The following HELZ variants were observed in gnomAD, a reference collection of about 807,000 sequenced individuals.
The protein encoded by HELZ is helicase with zinc finger, also known as ATP-dependent RNA helicase with zinc finger domain.
HELZ carries 23 observed loss-of-function variants against 218.2 expected under a neutral mutation model. The ratio of observed to expected loss-of-function variants is 0.11; its 90% CI spans 0.08 to 0.15. The LOEUF (loss-of-function observed/expected upper bound fraction) is 0.15, where lower values mean the gene tolerates loss of function less well. Among genes scored for constraint, HELZ ranks in the 10% least tolerant of loss-of-function variants. The pLI is 1.00. For synonymous variants in HELZ, 814 were observed against 829.4 expected (o/e 0.98, Z 0.32); for missense variants, 1,813 against 2,353.7 (o/e 0.77, Z 4.75).
At chr17:67,161,706 T>C (rs1289354963) in intron 15 of HELZ, among the ~76,000 whole-genome samples, 2 of 152,176 alleles carry the variant, frequency 1.3e-5, no homozygotes, top group Admixed American at 1.3e-4. Flanking sequence ...ACACAAATAA[T>C]ACACATATTA....
At chr17:67,164,889 T>C (rs928191763) in intron 15 of HELZ, among the ~76,000 whole-genome samples, 1 of 152,176 alleles carries the variant, frequency 6.6e-6, no homozygotes, top group African/African-American at 2.4e-5. Context: ...AATGACATGA[T>C]TATTTTAGAA....
chr17:67,186,081 G>A (rs2144268385), intron 12 of HELZ, among the ~76,000 whole-genome samples: 1 of 151,988 alleles, frequency 6.6e-6, no homozygotes, highest in South Asian at 2.1e-4. Flanking sequence ...GTGGCCTCAA[G>A]GGCTCTCTGC....
At chr17:67,230,471 C>A (rs1375576181) in intron 3 of HELZ, among the ~76,000 whole-genome samples, 1 of 151,782 alleles carries the variant, frequency 6.6e-6, no homozygotes, top group Non-Finnish European at 1.5e-5. Flanking sequence ...GTGGTGCATT[C>A]CTGTAATCCC....
chr17:67,123,054 T>C lies in HELZ; in HGVS notation c.3546A>G (p.Gln1182=), dbSNP rs2037666323. 1.9e-6 allele frequency: 3 copies of C among 1,613,492 alleles called. No individual in the cohort carries two copies. The highest frequency in any genetic ancestry group is 2.2e-5 in the East Asian group (1 of 44,876). The change falls in exon 26 of 33, where the codon CAA becomes CAG. Residue 1182 remains glutamine (Q), a synonymous_variant. Coordinates refer to ENST00000358691, the MANE Select transcript of HELZ (RefSeq NM_014877.4). ...TTGTCCCAGTGTGAGGATCTATTCT[T>C]TGAACAGGGCTTGGAGATTTTCCCA... ...PNLGKSPSPV[Q]RIDPHTGTSI...
At chr17:67,120,712 CAA>C (rs1487083267) in intron 26 of HELZ, 100 bp from the exon 27 acceptor site, 7 of 716,672 alleles carry the variant, frequency 9.8e-6, no homozygotes, top group Middle Eastern at 3.8e-4. Flanking sequence ...CAAAGACATA[CAA>C]ACACACACAC....
rs1004228736 is a variant in HELZ, at chr17:67,071,061, G to T, written c.*7191C>A. ...CTCATTATCTTTATAATTTAGAAGA[G>T]AAGTATTTTAATCACCATATTTACC... is the stretch of plus-strand genomic sequence containing the variant. On this transcript the variant is annotated 3_prime_UTR_variant, in exon 33 of 33. Coordinates refer to ENST00000358691, the MANE Select transcript of HELZ (RefSeq NM_014877.4). 1 of 152,190 alleles carries T rather than the reference G, an allele frequency of 6.6e-6. No individual in the cohort carries two copies. Among genetic ancestry groups the T allele is most frequent in the African/African-American group, 2.4e-5 (1 of 41,428 alleles). 9.4% of individuals were successfully genotyped at this position (152,190 alleles called of 1,614,324 possible). A position where few individuals can be genotyped will look rare whatever the true frequency, so the allele number is the denominator to read the frequency against.
At chr17:67,240,003 T>C (rs1179275245) in intron 2 of HELZ, among the ~76,000 whole-genome samples, 4 of 152,230 alleles carry the variant, frequency 2.6e-5, no homozygotes, top group Non-Finnish European at 5.9e-5. Flanking sequence ...ATTCAACAGA[T>C]GGTAATTCAT....
rs770512782 is a variant in HELZ, at chr17:67,195,453, G to A, written c.447C>T (p.Ala149=). Residue 149 remains alanine (A), a synonymous_variant, in exon 8 of 33, where the codon GCC becomes GCT. Coordinates refer to ENST00000358691, the MANE Select transcript of HELZ (RefSeq NM_014877.4). ...LSETETATSN[A]LSGYHVEDLD... ...AGTCTTCCACGTGATATCCAGAGAG[G>A]GCGTTACTAGTTGCTGTCTGCAATT... is the stretch of plus-strand genomic sequence containing the variant. The A allele has an allele frequency of 3.7e-6, 6 of 1,604,866 alleles. No individual in the cohort carries two copies. Among genetic ancestry groups the A allele is most frequent in the Non-Finnish European group, 5.1e-6 (6 of 1,171,830 alleles).
chr17:67,124,030 C>T lies in HELZ; in HGVS notation c.3388-16G>A, dbSNP rs186705064. On this transcript the variant is annotated splice_polypyrimidine_tract_variant and intron_variant, in intron 24 of 32. Transcript: ENST00000358691. Reference sequence around the variant, plus strand: ...GACTTTTCCCCTTTAAAGAAAAACACAAATGTATAATAATTTAAGCATGTT... The same window carrying T: ...GACTTTTCCCCTTTAAAGAAAAACATAAATGTATAATAATTTAAGCATGTT... The T allele has an allele frequency of 4.4e-5, 66 of 1,513,646 alleles. No individual in the cohort carries two copies. The African/African-American group carries it at 5.9e-4, about 14-fold the overall frequency. The allele number at this position is 1,513,646 out of a possible 1,614,324, so 93.8% of individuals were successfully genotyped here.
intron 24 of HELZ, among the ~76,000 whole-genome samples, chr17:67,125,264 T>C (rs1016575923): frequency 1.0e-4 from 12 of 116,066 alleles, no homozygotes; most frequent in African/African-American, 4.1e-4. Flanking sequence ...AGAGAAAGCA[T>C]GTTCACAGTG....
intron 6 of HELZ, among the ~76,000 whole-genome samples, chr17:67,202,602 C>T (rs931784398): frequency 1.8e-4 from 28 of 152,244 alleles, no homozygotes; most frequent in African/African-American, 6.7e-4. Flanking sequence ...TACACACATA[C>T]AAACAGAAAC....
chr17:67,147,332 C>G (rs2038531152), intron 20 of HELZ, among the ~76,000 whole-genome samples: 1 of 152,108 alleles, frequency 6.6e-6, no homozygotes, highest in Non-Finnish European at 1.5e-5. Flanking sequence ...ATCCACAGTT[C>G]CTGGCTCATA....
intron 15 of HELZ, among the ~76,000 whole-genome samples, chr17:67,164,551 T>G (rs1358195257): frequency 1.3e-5 from 2 of 152,178 alleles, no homozygotes; most frequent in East Asian, 3.8e-4. Context: ...TATTTAACAC[T>G]ATGGAATTGT....
chr17:67,173,770 G>A (rs564073495), intron 13 of HELZ, among the ~76,000 whole-genome samples: 1 of 151,186 alleles, frequency 6.6e-6, no homozygotes, highest in South Asian at 2.1e-4. Context: ...GATGAAATGT[G>A]CACCCCACAC....
intron 23 of HELZ, 121 bp downstream of exon 23, chr17:67,135,849 A>G (rs145833255): frequency 5.6e-6 from 4 of 713,384 alleles, no homozygotes; most frequent in East Asian, 5.4e-5. Flanking sequence ...TTCCCACTGG[A>G]TATCAGGCTA....
intron 26 of HELZ, among the ~76,000 whole-genome samples, chr17:67,121,722 T>C (rs1182999007): frequency 1.3e-5 from 2 of 152,194 alleles, no homozygotes; most frequent in Non-Finnish European, 2.9e-5. Context: ...TCAAAAATTC[T>C]AAAGAAAGAG....
chr17:67,171,589 G>T lies in HELZ; in HGVS notation c.1431-3793C>A, dbSNP rs570484153. On this transcript the variant is annotated intron_variant, in intron 13 of 32. Coordinates refer to ENST00000358691, the MANE Select transcript of HELZ (RefSeq NM_014877.4). ...GATTACTATAATAGACTTCTAACAT[G>T]ACTTCTTGTCTCAAATCTGTTCTCC... Among the ~76,000 whole-genome samples the T allele has an allele frequency of 1.4e-4, 22 of 152,160 alleles. No individual in the cohort carries two copies. In the South Asian group the frequency reaches 4.4e-3, roughly 30 times the overall value.
chr17:67,137,966 G>A lies in HELZ; in HGVS notation c.2918C>T (p.Ser973Phe), dbSNP rs779908316. ...TAGCACCCTTTCTACATTAACATCA[G>A]ATAATCTCTTTTTTCGAAGTTCAGC... ...IRAELRKKRL[S>F]DVNVERVLNV... The change falls in exon 22 of 33, where the codon TCT (serine) becomes TTT (phenylalanine). Residue 973 changes from serine to phenylalanine, a missense_variant. Transcript: ENST00000358691. The A allele has an allele frequency of 1.2e-6, 2 of 1,612,792 alleles. No individual in the cohort carries two copies. The highest frequency in any genetic ancestry group is 1.7e-5 in the Admixed American group (1 of 59,960).
In HELZ at chr17:67,128,706, G is replaced by A; in HGVS notation, c.3332C>T (p.Ala1111Val). The A allele has an allele frequency of 6.2e-7, 1 of 1,614,144 alleles. No homozygotes were observed. The highest frequency in any genetic ancestry group is 8.5e-7 in the Non-Finnish European group (1 of 1,180,006). The change falls in exon 24 of 33, where the codon GCT (alanine) becomes GTT (valine). Residue 1111 changes from alanine (A) to valine (V), a missense_variant. By Grantham distance (64) the Ala-to-Val change is moderately conservative (BLOSUM62 0). Around this residue, in one of 4 missense-constraint regions of HELZ, gnomAD observed 156 missense variants for 274.4 expected, o/e 0.57. Coordinates refer to ENST00000358691, the MANE Select transcript of HELZ (RefSeq NM_014877.4). Reference sequence around the variant, plus strand: ...ACTTCCTGAATGCTGCAGTCTTAGAGCCCGGGGGATAAATTCAGGTGCCAG... The same window carrying A: ...ACTTCCTGAATGCTGCAGTCTTAGAACCCGGGGGATAAATTCAGGTGCCAG... ...NPLAPEFIPR[A>V]LRLQHSGSTN...
Sources: allele counts gnomAD v4.1 joint callset (sites outside exome capture counted in the v4.1 genomes callset), GRCh38; gene constraint gnomAD v4.1.1; regional missense constraint gnomAD v4.1.1; transcripts MANE v1.5; gene names NCBI Gene and HGNC (gene_info 2026-07-23, HGNC 2026-07-21).